The following AKAP9 variants were observed in gnomAD, a reference collection of about 807,000 sequenced individuals.
The protein encoded by AKAP9 is A-kinase anchor protein 9.
A neutral mutation model predicts 488.5 loss-of-function variants in AKAP9; 311 were observed. The observed-to-expected ratio is 0.64, with a 90% CI of 0.58 to 0.70. AKAP9 has a LOEUF of 0.70. AKAP9 is among the 30% of genes least tolerant of loss of function. The pLI is 0.00. For missense variants in AKAP9, 4,215 were observed against 4,374.5 expected, an observed-to-expected ratio of 0.96 and a Z score of 1.03; for synonymous variants, 1,462 against 1,483.5, an observed-to-expected ratio of 0.99 and a Z score of 0.33.
rs375189777 is a variant in AKAP9, at chr7:92,002,390, C to T, written c.2473C>T (p.Leu825Phe). 3.7e-6 allele frequency: 6 copies of T among 1,610,556 alleles called. No homozygotes were observed. Among genetic ancestry groups the T allele is most frequent in the Non-Finnish European group, 5.1e-6 (6 of 1,178,780 alleles). Residue 825 changes from leucine to phenylalanine, a missense_variant, in exon 8 of 50, where the codon CTT becomes TTT. This residue lies in a region of AKAP9 where 2,361 missense variants were observed against 2,430.0 expected (regional missense o/e 0.97). Coordinates refer to ENST00000356239, the MANE Select transcript of AKAP9 (RefSeq NM_005751.5). ...TGTGTGGGAAAAAGAAATAGAAATA[C>T]TTATAGAGGAAAATGAGGACCTCAA... is the stretch of plus-strand genomic sequence containing the variant. Reference protein sequence around the residue: ...DSVWEKEIEILIEENEDLKQQ... With the variant: ...DSVWEKEIEIFIEENEDLKQQ...
chr7:92,079,634 T>G lies in AKAP9; in HGVS notation c.7501T>G (p.Leu2501Val). Residue 2501 changes from leucine to valine, a missense_variant, in exon 31 of 50, where the codon TTG (leucine) becomes GTG (valine). Around this residue, in one of 5 missense-constraint regions of AKAP9, gnomAD observed 1,476 missense variants for 1,477.4 expected, o/e 1.00. Coordinates refer to ENST00000356239, the MANE Select transcript of AKAP9 (RefSeq NM_005751.5). The part of the protein sequence containing the change: ...KGSIINLETR[L>V]LQLESTVSAK... ...TTCCATAATTAATTTGGAAACAAGG[T>G]TGCTACAACTTGAGAGCACTGTTAG... 1 of 1,613,922 alleles carries G rather than the reference T, an allele frequency of 6.2e-7. No individual in the cohort carries two copies. Among genetic ancestry groups the G allele is most frequent in the Non-Finnish European group, 8.5e-7 (1 of 1,179,962 alleles).
intron 23 of AKAP9, 22 bp from the exon 24 acceptor site, chr7:92,062,252 T>C: frequency 4.4e-6 from 7 of 1,587,368 alleles, no homozygotes; most frequent in Non-Finnish European, 6.1e-6. Flanking sequence ...TAGTTCTATT[T>C]TCTGTTAATT....
At chr7:92,065,055 T>C (rs1584392915) in intron 24 of AKAP9, among the ~76,000 whole-genome samples, 176 bp from the exon 25 acceptor site, 2 of 152,046 alleles carry the variant, frequency 1.3e-5, no homozygotes, top group South Asian at 4.1e-4. Flanking sequence ...TTTACTTATA[T>C]AGAAATATTT....
At chr7:92,070,825 A>AAG in intron 27 of AKAP9, 80 bp from the exon 28 acceptor site, 1 of 898,500 alleles carries the variant, frequency 1.1e-6, no homozygotes, top group African/African-American at 1.8e-5. Flanking sequence ...AAAAAAAAAA[A>AAG]GCAGACCAAA....
intron 7 of AKAP9, among the ~76,000 whole-genome samples, chr7:91,996,850 AT>A (rs1257970897): frequency 6.6e-6 from 1 of 152,226 alleles, no homozygotes; most frequent in Non-Finnish European, 1.5e-5. Context: ...ATTAGCATTT[AT>A]TAAGTGCTTA....
chr7:92,001,013 ATT>A lies in AKAP9; in HGVS notation c.1097_1098del (p.Ile366SerfsTer16). On this transcript the variant is annotated frameshift_variant, in exon 8 of 50. Transcript: ENST00000356239. LOFTEE classifies it high-confidence loss of function. ...ATTACTAGGAGAATTACAAGAACAGATTGTGCAAAAGAACCAAGAAATAAAAA... is the reference window on the plus strand; with the variant it reads ...ATTACTAGGAGAATTACAAGAACAGAGTGCAAAAGAACCAAGAAATAAAAA... Reference protein sequence around the residue: ...DKLLGELQEQIVQKNQEIKNM... With the variant: ...DKLLGELQEQXVQKNQEIKNM... 3 of 1,562,588 alleles carry A rather than the reference ATT, an allele frequency of 1.9e-6. No individual in the cohort carries two copies. The highest frequency in any genetic ancestry group is 2.6e-6 in the Non-Finnish European group (3 of 1,155,274).
In AKAP9 at chr7:92,080,176, T is replaced by TC. The variant is rs776135864; in HGVS notation, c.8019+25dup. 1.4e-5 allele frequency: 21 copies of TC among 1,506,982 alleles called. No individual in the cohort carries two copies. The South Asian group carries it at 2.5e-4, about 18-fold the overall frequency. The allele number at this position is 1,506,982 out of a possible 1,614,324, so 93.4% of individuals were successfully genotyped here. A position where few individuals can be genotyped will look rare whatever the true frequency, so the allele number is the denominator to read the frequency against. ...AGGTTAGTTTTGTATTTTATTAGTT[T>TC]CATTTAAATACCCCAAGAAACTAAG... On this transcript the variant is annotated intron_variant, in intron 31 of 49. Coordinates refer to ENST00000356239, the MANE Select transcript of AKAP9 (RefSeq NM_005751.5).
At chr7:92,084,982 G>A in intron 35 of AKAP9, 42 bp downstream of exon 35, 2 of 1,604,086 alleles carry the variant, frequency 1.2e-6, no homozygotes, top group Non-Finnish European at 8.5e-7. Context: ...AGCCAGTGTT[G>A]TTTCTATGTT....
At chr7:91,995,569 A>G in intron 6 of AKAP9, 34 bp from the exon 7 acceptor site, 1 of 1,601,540 alleles carries the variant, frequency 6.2e-7, no homozygotes, top group Non-Finnish European at 8.6e-7. Flanking sequence ...GTCACTTCAG[A>G]ATTTAACGTT....
chr7:92,002,404 T>A lies in AKAP9; in HGVS notation c.2487T>A (p.Asn829Lys). Residue 829 changes from asparagine (N) to lysine (K), a missense_variant, in exon 8 of 50, where the codon AAT becomes AAA. Coordinates refer to ENST00000356239, the MANE Select transcript of AKAP9 (RefSeq NM_005751.5). Reference sequence around the variant, plus strand: ...AAATAGAAATACTTATAGAGGAAAATGAGGACCTCAAACAACAATGTATTC... The same window carrying A: ...AAATAGAAATACTTATAGAGGAAAAAGAGGACCTCAAACAACAATGTATTC... ...EKEIEILIEE[N>K]EDLKQQCIQL... 1.9e-6 allele frequency: 3 copies of A among 1,610,236 alleles called. No individual in the cohort carries two copies. The highest frequency in any genetic ancestry group is 2.5e-6 in the Non-Finnish European group (3 of 1,178,818).
Position 92,065,268 on chromosome 7 carries a change from A to G in AKAP9, c.6015A>G (p.Lys2005=), listed in dbSNP as rs758669878. Reference sequence around the variant, plus strand: ...AGACAGAAAAATTAATGAAGGAAAAACTAGAAGTACAATGTCAAGCTGAAA... The same window carrying G: ...AGACAGAAAAATTAATGAAGGAAAAGCTAGAAGTACAATGTCAAGCTGAAA... ...LQETEKLMKE[K]LEVQCQAEKV... The change falls in exon 25 of 50, where the codon AAA becomes AAG. Residue 2005 remains lysine (K), a synonymous_variant. Coordinates refer to ENST00000356239, the MANE Select transcript of AKAP9 (RefSeq NM_005751.5). The G allele has an allele frequency of 1.2e-6, 2 of 1,612,310 alleles. No individual in the cohort carries two copies. The highest frequency in any genetic ancestry group is 1.7e-6 in the Non-Finnish European group (2 of 1,179,128).
At chr7:92,099,620 C>T in intron 43 of AKAP9, 67 bp from the exon 44 acceptor site, 1 of 1,489,950 alleles carries the variant, frequency 6.7e-7, no homozygotes, top group African/African-American at 1.4e-5. Flanking sequence ...GGTGCCTATT[C>T]ACACTTTATA....
intron 15 of AKAP9, among the ~76,000 whole-genome samples, chr7:92,030,718 C>T (rs966331554): frequency 6.6e-6 from 1 of 151,690 alleles, no homozygotes; most frequent in Non-Finnish European, 1.5e-5. Flanking sequence ...TAGGCCTATT[C>T]CAATAAGGTC....
chr7:92,029,846 A>G lies in AKAP9; in HGVS notation c.4149-49A>G, dbSNP rs191840946. ...GTGGTGTAGATTTTGCATGAACACT[A>G]AAGCACATATACAACTCTAATTCTT... On this transcript the variant is annotated intron_variant, in intron 14 of 49. Coordinates refer to ENST00000356239, the MANE Select transcript of AKAP9 (RefSeq NM_005751.5). 1,137 of 1,474,364 alleles carry G rather than the reference A, an allele frequency of 7.7e-4. 2 individuals are homozygous for G. Among genetic ancestry groups the G allele is most frequent in the Non-Finnish European group, 1.0e-3 (1,055 of 1,053,566 alleles). 91.3% of individuals were successfully genotyped at this position (1,474,364 alleles called of 1,614,324 possible).
intron 8 of AKAP9, among the ~76,000 whole-genome samples, chr7:92,009,177 A>G (rs1263663800): frequency 1.3e-5 from 2 of 151,824 alleles, no homozygotes; most frequent in Non-Finnish European, 2.9e-5. Context: ...AAAATCAGCC[A>G]GATGTCTGCA....
Position 92,003,068 on chromosome 7 carries a change from G to T in AKAP9, c.3151G>T (p.Glu1051Ter), listed in dbSNP as rs1178587426. ...SFGEESKIMV[E>*]DKVSFENMTV... is the part of the protein sequence containing the mutation. ...TGGTGAAGAATCAAAAATAATGGTG[G>T]AAGATAAAGTTTCTTTTGAAAATAT... The change falls in exon 8 of 50, where the codon GAA becomes TAA. Residue 1051 changes from glutamate to a stop codon, truncating the protein, a stop_gained. Coordinates refer to ENST00000356239, the MANE Select transcript of AKAP9 (RefSeq NM_005751.5). LOFTEE classifies it high-confidence loss of function. 5 of 1,612,908 alleles carry T rather than the reference G, an allele frequency of 3.1e-6. No homozygotes were observed. The highest frequency in any genetic ancestry group is 1.1e-5 in the South Asian group (1 of 90,812).
intron 3 of AKAP9, among the ~76,000 whole-genome samples, chr7:91,990,805 G>T (rs1797656087): frequency 6.6e-6 from 1 of 152,166 alleles, no homozygotes; most frequent in Non-Finnish European, 1.5e-5. Context: ...AGAAGCAGTA[G>T]TCCCCCATCC....
intron 1 of AKAP9, among the ~76,000 whole-genome samples, chr7:91,964,900 T>C (rs898469666): frequency 6.6e-5 from 10 of 152,180 alleles, no homozygotes; most frequent in African/African-American, 2.4e-4. Context: ...AAATTTACTT[T>C]AAAATTTTTA....
At chr7:92,090,709 G>A (rs1173634857) in intron 38 of AKAP9, 1 of 151,672 alleles carries the variant, frequency 6.6e-6, no homozygotes. Context: ...CATTTGGGTT[G>A]TTTCTACTTT....
Sources: gnomAD v4.1 joint callset for allele counts (sites outside exome capture counted in the v4.1 genomes callset) on GRCh38, gnomAD v4.1.1 for gene constraint, gnomAD v4.1.1 regional missense constraint, MANE v1.5 for transcripts, NCBI Gene and HGNC (gene_info 2026-07-23, HGNC 2026-07-21) for gene names.